YPEL4: variants seen among roughly 807,000 people sequenced by gnomAD.
YPEL4 encodes the protein yippee like 4.
A neutral mutation model predicts 16.3 loss-of-function variants in YPEL4; 5 were observed. That is an observed-to-expected ratio of 0.31 (90% CI 0.16 to 0.64). The LOEUF (loss-of-function observed/expected upper bound fraction) is 0.64, where lower values mean the gene tolerates loss of function less well. YPEL4 is among the 30% of genes least tolerant of loss of function. The pLI is 0.79. For missense variants in YPEL4, 127 were observed against 170.0 expected, an observed-to-expected ratio of 0.75 and a Z score of 1.41; for synonymous variants, 61 against 60.7, an observed-to-expected ratio of 1.00 and a Z score of -0.02.
chr11:57,645,738 C>T lies in YPEL4; in HGVS notation c.*243G>A. 1.9e-6 allele frequency: 1 copy of T among 524,400 alleles called. No homozygotes were observed. The highest frequency in any genetic ancestry group is 3.4e-6 in the Non-Finnish European group (1 of 294,780). The allele number at this position is 524,400 out of a possible 1,614,324, so 32.5% of individuals were successfully genotyped here. A position where few individuals can be genotyped will look rare whatever the true frequency, so the allele number is the denominator to read the frequency against. ...GGGAACAGAAAGACCCACAACCATC[C>T]CTTTCCCCCAGTTCTGTCTCTCCCT... is the stretch of plus-strand genomic sequence containing the variant. On this transcript the variant is annotated 3_prime_UTR_variant, in exon 5 of 5. Transcript: ENST00000300022.
intron 4 of YPEL4, 55 bp downstream of exon 4, chr11:57,646,242 G>T: frequency 6.3e-7 from 1 of 1,597,202 alleles, no homozygotes; most frequent in Non-Finnish European, 8.6e-7. Context: ...ACTGGTGCTT[G>T]AAGGGCCATG....
rs189890917 is a variant in YPEL4 at position 57,646,922 on chromosome 11, C to T, written c.141+45G>A. 4.6e-4 allele frequency: 722 copies of T among 1,572,886 alleles called. 3 individuals carry two copies. In the Middle Eastern group the frequency reaches 9.7e-3, roughly 21 times the overall value. The stretch of plus-strand genomic sequence containing the variant: ...ACCCCTGGGTGATGTTCAGGCTAGC[C>T]TGGTGCGCGAGAGGAGGGGAATGGC... On this transcript the variant is annotated intron_variant, in intron 2 of 4. Transcript: ENST00000300022.
intron 2 of YPEL4, 65 bp downstream of exon 2, chr11:57,646,902 T>C: frequency 3.8e-6 from 6 of 1,583,854 alleles, no homozygotes; most frequent in East Asian, 2.3e-5. Context: ...GCCTCACCCC[T>C]GGGTGATGTT....
At position 57,646,584 on chromosome 11, in the gene YPEL4, C is replaced by T. The variant is rs1945732645; in HGVS notation, c.185+167G>A. 4.1e-6 allele frequency: 5 copies of T among 1,222,990 alleles called. 1 individual carries two copies. The highest frequency in any genetic ancestry group is 1.9e-4 in the Middle Eastern group (1 of 5,274). 75.8% of individuals were successfully genotyped at this position (1,222,990 alleles called of 1,614,324 possible). On this transcript the variant is annotated intron_variant, in intron 3 of 4. Transcript: ENST00000300022. ...TTCCACCGTTATGATTTCAATTCTCCCCCGGCTCCCCATGTGAGAACTTCA... is the reference window on the plus strand; with the variant it reads ...TTCCACCGTTATGATTTCAATTCTCTCCCGGCTCCCCATGTGAGAACTTCA...
At position 57,647,842 on chromosome 11, in the gene YPEL4, C is replaced by T. The variant is rs78163923; in HGVS notation, c.-184-551G>A. The T allele has an allele frequency of 0.013, 2,010 of 152,352 alleles. 26 individuals are homozygous for T. Among genetic ancestry groups the T allele is most frequent in the Non-Finnish European group, 0.021 (1,411 of 68,094 alleles). The allele number at this position is 152,352 out of a possible 1,614,324, so 9.4% of individuals were successfully genotyped here. A position where few individuals can be genotyped will look rare whatever the true frequency, so the allele number is the denominator to read the frequency against. On this transcript the variant is annotated intron_variant, in intron 1 of 4. Transcript: ENST00000300022. This position sits in a 1 kb window ranked among gnomAD's most constrained non-coding sequence, Gnocchi z 4.2. ...GGTATACAAACCCTGATTCGGTTCT[C>T]TCCTGAGGTCAGGGTCCTGTGCTCT...
intron 4 of YPEL4, 49 bp downstream of exon 4, chr11:57,646,248 C>A: frequency 6.2e-7 from 1 of 1,602,814 alleles, no homozygotes; most frequent in Non-Finnish European, 8.5e-7. Flanking sequence ...GCTTGAAGGG[C>A]CATGGGGACT....
At chr11:57,649,137 G>C (rs997768061) in intron 1 of YPEL4, 1 of 152,326 alleles carries the variant, frequency 6.6e-6, no homozygotes, top group African/African-American at 2.4e-5. Flanking sequence ...GCCGAGTGCT[G>C]GGGAGAGATG....
chr11:57,646,195 C>A, intron 4 of YPEL4, 102 bp downstream of exon 4: 1 of 1,565,058 alleles, frequency 6.4e-7, no homozygotes, highest in South Asian at 1.1e-5. Flanking sequence ...TTCTTTCTTT[C>A]CTCTTTGGAC....
At position 57,645,839 on chromosome 11, in the gene YPEL4, G is replaced by T. The variant is rs7479323; in HGVS notation, c.*142C>A. 2 of 751,940 alleles carry T rather than the reference G, an allele frequency of 2.7e-6. No individual in the cohort carries two copies. The highest frequency in any genetic ancestry group is 2.5e-5 in the Admixed American group (1 of 39,426). 46.6% of individuals were successfully genotyped at this position (751,940 alleles called of 1,614,324 possible). ...CTGTTCTAAAGGGTGCCTGGTAGTG[G>T]ATATGGTGGAGGCAGGGGAGGGGTT... On this transcript the variant is annotated 3_prime_UTR_variant, in exon 5 of 5. Coordinates refer to ENST00000300022, the MANE Select transcript of YPEL4 (RefSeq NM_145008.3).
Position 57,647,201 on chromosome 11 carries a change from G to T in YPEL4, c.-94C>A. 1 of 1,446,470 alleles carries T rather than the reference G, an allele frequency of 6.9e-7. No homozygotes were observed. Among genetic ancestry groups the T allele is most frequent in the Middle Eastern group, 2.5e-4 (1 of 3,976 alleles). 89.6% of individuals were successfully genotyped at this position (1,446,470 alleles called of 1,614,324 possible). A position where few individuals can be genotyped will look rare whatever the true frequency, so the allele number is the denominator to read the frequency against. ...CGCAGGTGAAGCAGCGGAGCAGGTT[G>T]GCTAGAGCCGTGTTTCAGGGCAGGA... On this transcript the variant is annotated 5_prime_UTR_variant, in exon 2 of 5. Coordinates refer to ENST00000300022, the MANE Select transcript of YPEL4 (RefSeq NM_145008.3). This position sits in a 1 kb window ranked among gnomAD's most constrained non-coding sequence, Gnocchi z 4.2.
At position 57,647,880 on chromosome 11, in the gene YPEL4, T is replaced by C. The variant is rs1180870057; in HGVS notation, c.-184-589A>G. On this transcript the variant is annotated intron_variant, in intron 1 of 4. Coordinates refer to ENST00000300022, the MANE Select transcript of YPEL4 (RefSeq NM_145008.3). This position sits in a 1 kb window ranked among gnomAD's most constrained non-coding sequence, Gnocchi z 4.2. ...GGTCCTGTGCTCTGGGACTCTTCAC[T>C]AGAACTTTATAGATGTTTCCAACAG... is the stretch of plus-strand genomic sequence containing the variant. 2 of 152,158 alleles carry C rather than the reference T, an allele frequency of 1.3e-5. No individual in the cohort carries two copies. Among genetic ancestry groups the C allele is most frequent in the Non-Finnish European group, 2.9e-5 (2 of 68,066 alleles). The allele number at this position is 152,158 out of a possible 1,614,324, so 9.4% of individuals were successfully genotyped here.
Position 57,647,037 on chromosome 11 carries a change from C to CG in YPEL4, c.70dup (p.Arg24ProfsTer20), listed in dbSNP as rs779597989. 1.3e-6 allele frequency: 2 copies of CG among 1,597,994 alleles called. No homozygotes were observed. Among genetic ancestry groups the CG allele is most frequent in the African/African-American group, 2.7e-5 (2 of 74,566 alleles). On this transcript the variant is annotated frameshift_variant, in exon 2 of 5. Transcript: ENST00000300022. LOFTEE classifies it high-confidence loss of function. The surrounding 1 kb of genome is among the most constrained non-coding windows in gnomAD (Gnocchi z 4.2). ...GACACAGCTGTAAGTGCGGTGACAG[C>CG]GGGGCAGATAGCTGCGGAAAGTCTT...
chr11:57,645,652 C>T lies in YPEL4; in HGVS notation c.*329G>A, dbSNP rs1945721956. On this transcript the variant is annotated 3_prime_UTR_variant, in exon 5 of 5. Coordinates refer to ENST00000300022, the MANE Select transcript of YPEL4 (RefSeq NM_145008.3). ...AAAAGAGGTGGAGCAAAAACGGATT[C>T]CTCCCACAATCCTCTCTGCCTGAGT... 3.3e-6 allele frequency: 1 copy of T among 301,894 alleles called. No homozygotes were observed. The highest frequency in any genetic ancestry group is 6.4e-5 in the South Asian group (1 of 15,584). 18.7% of individuals were successfully genotyped at this position (301,894 alleles called of 1,614,324 possible).
intron 3 of YPEL4, 126 bp from the exon 4 acceptor site, chr11:57,646,531 C>G: frequency 8.0e-7 from 1 of 1,244,268 alleles, no homozygotes; most frequent in Non-Finnish European, 1.1e-6. Flanking sequence ...TAATCCACCC[C>G]TTTAAGACTA....
At chr11:57,646,476 A>C in intron 3 of YPEL4, 71 bp from the exon 4 acceptor site, 1 of 1,561,864 alleles carries the variant, frequency 6.4e-7, no homozygotes, top group Non-Finnish European at 8.8e-7. Context: ...CAGACAGCCC[A>C]AGGGAACTTC....
rs547006650 is a variant in YPEL4 at position 57,645,756 on chromosome 11, C to G, written c.*225G>C. 1.8e-5 allele frequency: 10 copies of G among 553,166 alleles called. No homozygotes were observed. The East Asian group carries it at 2.9e-4, about 16-fold the overall frequency. 34.3% of individuals were successfully genotyped at this position (553,166 alleles called of 1,614,324 possible). A position where few individuals can be genotyped will look rare whatever the true frequency, so the allele number is the denominator to read the frequency against. ...AACCATCCCTTTCCCCCAGTTCTGT[C>G]TCTCCCTGACTGCTGCCCACTCCTG... On this transcript the variant is annotated 3_prime_UTR_variant, in exon 5 of 5. Coordinates refer to ENST00000300022, the MANE Select transcript of YPEL4 (RefSeq NM_145008.3).
At position 57,647,320 on chromosome 11, in the gene YPEL4, A is replaced by G. The variant is rs1945744438; in HGVS notation, c.-184-29T>C. On this transcript the variant is annotated intron_variant, in intron 1 of 4. Transcript: ENST00000300022. The surrounding 1 kb of genome is among the most constrained non-coding windows in gnomAD (Gnocchi z 4.2). ...GGAAGAGGGGAAAGGACATCAGGGG[A>G]GCTGCGACCTCAGGAGGACCCCTCC... The G allele has an allele frequency of 7.1e-6, 4 of 563,872 alleles. No individual in the cohort carries two copies. The highest frequency in any genetic ancestry group is 1.2e-5 in the Non-Finnish European group (4 of 344,214). The allele number at this position is 563,872 out of a possible 1,614,324, so 34.9% of individuals were successfully genotyped here. A position where few individuals can be genotyped will look rare whatever the true frequency, so the allele number is the denominator to read the frequency against.
intron 2 of YPEL4, 39 bp from the exon 3 acceptor site, chr11:57,646,833 C>T: frequency 6.2e-7 from 1 of 1,612,590 alleles, no homozygotes; most frequent in South Asian, 1.1e-5. Context: ...ACCAAGCAGC[C>T]TTCAGCCCCA....
intron 1 of YPEL4, chr11:57,649,020 A>C (rs538454427): frequency 2.6e-5 from 4 of 152,366 alleles, no homozygotes; most frequent in South Asian, 2.1e-4. Context: ...GAAAGGCTGC[A>C]CAGAAGGCCA....
Sources: gnomAD v4.1 joint callset for allele counts on GRCh38, gnomAD v4.1.1 for gene constraint, Gnocchi (gnomAD v3.1) non-coding constraint, MANE v1.5 for transcripts, NCBI Gene and HGNC (gene_info 2026-07-23, HGNC 2026-07-21) for gene names.